STPG2: variants seen among roughly 807,000 people sequenced by gnomAD.
STPG2 encodes the protein sperm tail PG-rich repeat containing 2, also known as sperm-tail PG-rich repeat-containing protein 2.
STPG2 carries 56 observed loss-of-function variants against 54.2 expected under a neutral mutation model. The ratio of observed to expected loss-of-function variants is 1.03; its 90% CI spans 0.83 to 1.29. STPG2 has a LOEUF of 1.29. Ranked by LOEUF, STPG2 falls within the 50% of genes most tolerant of loss-of-function variation. The pLI, the probability that STPG2 is intolerant of heterozygous loss-of-function variation, is 0.00. For missense variants in STPG2, 596 were observed against 544.9 expected (o/e 1.09, Z -0.93); for synonymous variants, 200 against 181.8 (o/e 1.10, Z -0.81).
rs184587515 is a variant in STPG2, at chr4:98,112,901, A to G, written c.388-3596T>C. Among the ~76,000 whole-genome samples the G allele has an allele frequency of 4.3e-3, 649 of 152,196 alleles. 3 individuals carry two copies. Among genetic ancestry groups the G allele is most frequent in the South Asian group, 0.025 (121 of 4,828 alleles). On this transcript the variant is annotated intron_variant, in intron 3 of 10. Transcript: ENST00000295268. ...CCTAGTAAGAAAATCTTAGTGTCAA[A>G]AGAGTGGCAATGCTAAATACTGGGG...
At chr4:98,107,580 A>T (rs1739222509) in intron 4 of STPG2, among the ~76,000 whole-genome samples, 1 of 152,120 alleles carries the variant, frequency 6.6e-6, no homozygotes, top group African/African-American at 2.4e-5. Context: ...GAGAAGTAAA[A>T]CAGACTGGTA....
At chr4:97,998,492 A>G (rs1344730287) in intron 5 of STPG2, among the ~76,000 whole-genome samples, 1 of 152,186 alleles carries the variant, frequency 6.6e-6, no homozygotes, top group East Asian at 1.9e-4. Flanking sequence ...CATCAGAAAA[A>G]CTACCTAAGC....
chr4:98,021,029 T>C (rs1736168711), intron 5 of STPG2, among the ~76,000 whole-genome samples: 1 of 152,188 alleles, frequency 6.6e-6, no homozygotes, highest in South Asian at 2.1e-4. Context: ...TCAGTTCTGC[T>C]CTGATTTTAG....
intron 8 of STPG2, among the ~76,000 whole-genome samples, chr4:97,863,263 A>T (rs1019045115): frequency 6.6e-6 from 1 of 152,174 alleles, no homozygotes; most frequent in Non-Finnish European, 1.5e-5. Context: ...GATGAAGGGG[A>T]TATCACCACC....
chr4:97,450,992 A>T (rs1412851869), intron 4 of STPG2, among the ~76,000 whole-genome samples: 3 of 152,160 alleles, frequency 2.0e-5, no homozygotes, highest in Non-Finnish European at 4.4e-5. Context: ...TCAGGTTAGA[A>T]TTACCTTCTG....
intron 6 of STPG2, among the ~76,000 whole-genome samples, chr4:97,979,095 T>C (rs1187951800): frequency 6.6e-6 from 1 of 152,206 alleles, no homozygotes; most frequent in Non-Finnish European, 1.5e-5. Context: ...GGCTTTTGTC[T>C]AGTGGATTTG....
chr4:98,015,391 G>A (rs144654874), intron 5 of STPG2, among the ~76,000 whole-genome samples: 6,059 of 152,078 alleles, frequency 0.04, 401 homozygotes, highest in African/African-American at 0.14. Context: ...TCAAAAAGTG[G>A]GCAAATGATA....
At chr4:97,625,043 T>C (rs897065397) in intron 10 of STPG2, among the ~76,000 whole-genome samples, 1 of 152,180 alleles carries the variant, frequency 6.6e-6, no homozygotes, top group Non-Finnish European at 1.5e-5. Context: ...AATAGAGCCT[T>C]CACCAGAATC....
rs1739985936 is a variant in STPG2 at position 98,131,211 on chromosome 4, C to G, written c.223-2619G>C. On this transcript the variant is annotated intron_variant, in intron 2 of 10. Coordinates refer to ENST00000295268, the MANE Select transcript of STPG2 (RefSeq NM_174952.3). Reference sequence around the variant, plus strand: ...TCAAGATCAGGTCCAATTTGTTTCCCCCATTCCCTCCAAAGACTCTCTACT... The same window carrying G: ...TCAAGATCAGGTCCAATTTGTTTCCGCCATTCCCTCCAAAGACTCTCTACT... Among the ~76,000 whole-genome samples the G allele has an allele frequency of 2.0e-5, 3 of 152,074 alleles. No individual in the cohort carries two copies. The South Asian group carries it at 6.2e-4, about 32-fold the overall frequency.
chr4:97,566,613 C>G (rs1269267717), intron 10 of STPG2, among the ~76,000 whole-genome samples: 1 of 152,086 alleles, frequency 6.6e-6, no homozygotes, highest in African/African-American at 2.4e-5. Context: ...TTCACAACAG[C>G]AAAGACTTGG....
intron 7 of STPG2, among the ~76,000 whole-genome samples, chr4:97,968,423 C>A (rs1371987240): frequency 7.2e-5 from 11 of 152,114 alleles, no homozygotes; most frequent in Non-Finnish European, 1.3e-4. Flanking sequence ...GGAATCCTTC[C>A]TAACTCATTT....
intron 8 of STPG2, among the ~76,000 whole-genome samples, chr4:97,908,768 A>G (rs1731553807): frequency 1.3e-5 from 2 of 151,146 alleles, no homozygotes; most frequent in Admixed American, 6.6e-5. Flanking sequence ...CGCAAGAACA[A>G]AAAACCAAAC....
intron 9 of STPG2, among the ~76,000 whole-genome samples, chr4:97,733,198 T>A (rs921669412): frequency 6.6e-6 from 1 of 152,082 alleles, no homozygotes; most frequent in Non-Finnish European, 1.5e-5. Flanking sequence ...TAAATGCGCA[T>A]CAACTAATGA....
At chr4:97,905,268 C>A (rs1731360395) in intron 8 of STPG2, among the ~76,000 whole-genome samples, 1 of 152,188 alleles carries the variant, frequency 6.6e-6, no homozygotes, top group Non-Finnish European at 1.5e-5. Flanking sequence ...TCGGCAGAAA[C>A]TCTACAAGCC....
chr4:97,945,858 T>C (rs1280906427), intron 7 of STPG2, among the ~76,000 whole-genome samples: 2 of 152,060 alleles, frequency 1.3e-5, no homozygotes, highest in African/African-American at 2.4e-5. Context: ...CAAGAGTTCA[T>C]GATCAGCCTG....
intron 10 of STPG2, among the ~76,000 whole-genome samples, chr4:97,645,725 A>G (rs1167645214): frequency 3.3e-5 from 5 of 152,134 alleles, no homozygotes; most frequent in African/African-American, 1.2e-4. Context: ...GACACTTTCA[A>G]ATCCTTTCTG....
intron 3 of STPG2, among the ~76,000 whole-genome samples, chr4:98,114,403 T>A (rs1043083519): frequency 5.9e-5 from 9 of 152,098 alleles, no homozygotes; most frequent in Non-Finnish European, 1.0e-4. Context: ...ATGCTGGATA[T>A]TTTAGACATT....
intron 10 of STPG2, among the ~76,000 whole-genome samples, chr4:97,602,406 A>C (rs1312229522): frequency 6.6e-6 from 1 of 151,726 alleles, no homozygotes; most frequent in East Asian, 1.9e-4. Flanking sequence ...ATCTCCACAC[A>C]CACTTATTTT....
chr4:98,003,392 ATC>A (rs1735473604), intron 5 of STPG2, among the ~76,000 whole-genome samples: 1 of 151,858 alleles, frequency 6.6e-6, no homozygotes, highest in African/African-American at 2.4e-5. Flanking sequence ...ATAATACATC[ATC>A]AGTTTTTTTT....
Sources: allele counts gnomAD v4.1 joint callset (sites outside exome capture counted in the v4.1 genomes callset), GRCh38; gene constraint gnomAD v4.1.1; transcripts MANE v1.5; gene names NCBI Gene and HGNC (gene_info 2026-07-23, HGNC 2026-07-21).